CCSER1: variants seen among roughly 807,000 people sequenced by gnomAD.
CCSER1 encodes the protein serine-rich coiled-coil domain-containing protein 1.
A neutral mutation model predicts 82.0 loss-of-function variants in CCSER1; 41 were observed. The ratio of observed to expected loss-of-function variants is 0.50; its 90% CI spans 0.39 to 0.65. The LOEUF (loss-of-function observed/expected upper bound fraction) is 0.65. Among genes scored for constraint, CCSER1 ranks in the 30% least tolerant of loss-of-function variants. The pLI is 0.00. For missense variants in CCSER1, 1,119 were observed against 1,064.2 expected (o/e 1.05, Z -0.72); for synonymous variants, 414 against 383.9 (o/e 1.08, Z -0.92).
chr4:91,251,068 A>G (rs1307692658), intron 10 of CCSER1, among the ~76,000 whole-genome samples: 1 of 152,162 alleles, frequency 6.6e-6, no homozygotes, highest in African/African-American at 2.4e-5. Flanking sequence ...TCCTCACTAT[A>G]GAGAGGAAGA....
chr4:91,287,643 C>T (rs1470279847), intron 10 of CCSER1, among the ~76,000 whole-genome samples: 1 of 151,926 alleles, frequency 6.6e-6, no homozygotes, highest in Non-Finnish European at 1.5e-5. Context: ...AAAGAAAGTG[C>T]ATTGTGTCTA....
chr4:91,234,498 A>C (rs1266465987), intron 10 of CCSER1, among the ~76,000 whole-genome samples: 1 of 152,114 alleles, frequency 6.6e-6, no homozygotes, highest in African/African-American at 2.4e-5. Flanking sequence ...AAAGCCAGAA[A>C]TATTTATATT....
At chr4:91,161,881 A>G (rs921202986) in intron 10 of CCSER1, among the ~76,000 whole-genome samples, 2 of 152,120 alleles carry the variant, frequency 1.3e-5, no homozygotes, top group Non-Finnish European at 2.9e-5. Flanking sequence ...TCATCTGCAA[A>G]CAGTGACAAT....
chr4:91,133,374 G>A (rs572215092), intron 10 of CCSER1, among the ~76,000 whole-genome samples: 7 of 152,166 alleles, frequency 4.6e-5, no homozygotes. Flanking sequence ...TCATTCGGGT[G>A]AGGAAGCGGT....
chr4:90,504,716 G>A (rs1280171291), intron 5 of CCSER1, among the ~76,000 whole-genome samples: 1 of 152,132 alleles, frequency 6.6e-6, no homozygotes, highest in African/African-American at 2.4e-5. Flanking sequence ...TGGTAAAAAT[G>A]TGTAAATTTG....
At chr4:90,323,656 A>T (rs1047542238) in intron 3 of CCSER1, among the ~76,000 whole-genome samples, 18 of 151,182 alleles carry the variant, frequency 1.2e-4, no homozygotes, top group African/African-American at 4.4e-4. Context: ...TGTCTTTCCT[A>T]TCCTCTTTTT....
intron 8 of CCSER1, among the ~76,000 whole-genome samples, chr4:90,900,375 G>A (rs1177924871): frequency 6.6e-6 from 1 of 151,624 alleles, no homozygotes; most frequent in Non-Finnish European, 1.5e-5. Context: ...TGTAGCTAGT[G>A]GTCTATCAAT....
intron 10 of CCSER1, among the ~76,000 whole-genome samples, chr4:91,139,830 C>G (rs2148926729): frequency 6.6e-6 from 1 of 152,100 alleles, no homozygotes. Flanking sequence ...CTCTGAAAAC[C>G]TTTTGTATAG....
chr4:90,917,726 C>G (rs1367476611), intron 8 of CCSER1, among the ~76,000 whole-genome samples: 1 of 151,814 alleles, frequency 6.6e-6, no homozygotes, highest in Non-Finnish European at 1.5e-5. Context: ...AAAATAAACA[C>G]CTAAAAAAAA....
At chr4:91,515,803 A>G (rs542463930) in intron 10 of CCSER1, among the ~76,000 whole-genome samples, 1 of 150,386 alleles carries the variant, frequency 6.6e-6, no homozygotes, top group Admixed American at 6.6e-5. Context: ...GGTTGAACTA[A>G]TTTACTCTCC....
intron 1 of CCSER1, among the ~76,000 whole-genome samples, chr4:90,240,351 G>A (rs1280427587): frequency 2.0e-5 from 3 of 152,150 alleles, no homozygotes; most frequent in Non-Finnish European, 4.4e-5. Context: ...ATTTCTTTCT[G>A]GAGAAGGCCT....
chr4:90,769,327 A>G (rs1041622475), intron 7 of CCSER1, among the ~76,000 whole-genome samples: 8 of 152,158 alleles, frequency 5.3e-5, no homozygotes, highest in African/African-American at 1.9e-4. Context: ...AAAGTGGGGA[A>G]CAGAGACAGT....
At chr4:90,553,782 A>T (rs553809491) in intron 5 of CCSER1, among the ~76,000 whole-genome samples, 1 of 152,348 alleles carries the variant, frequency 6.6e-6, no homozygotes, top group East Asian at 1.9e-4. Context: ...GCAGAGTTGG[A>T]TTTGCAGACA....
At chr4:90,408,103 G>T (rs1371109080) in intron 4 of CCSER1, among the ~76,000 whole-genome samples, 1 of 152,218 alleles carries the variant, frequency 6.6e-6, no homozygotes, top group East Asian at 1.9e-4. Context: ...ACCCGCCATT[G>T]CCCAGGCTTG....
chr4:90,180,187 A>G (rs1470804019), intron 1 of CCSER1, among the ~76,000 whole-genome samples: 1 of 151,424 alleles, frequency 6.6e-6, no homozygotes, highest in African/African-American at 2.4e-5. Context: ...AACGATAACT[A>G]AAGATAATTT....
At chr4:90,488,205 G>A (rs567985854) in intron 5 of CCSER1, among the ~76,000 whole-genome samples, 11 of 151,658 alleles carry the variant, frequency 7.3e-5, no homozygotes, top group Middle Eastern at 3.4e-3. Context: ...ATTTTGAGAC[G>A]GAGTCTCGCT....
At position 90,599,332 on chromosome 4, in the gene CCSER1, A is replaced by G. The variant is rs531586013; in HGVS notation, c.1725-28693A>G. Among the ~76,000 whole-genome samples, 85 of 152,070 alleles carry G rather than the reference A, an allele frequency of 5.6e-4. 1 individual carries two copies. The South Asian group carries it at 1.0e-2, about 18-fold the overall frequency. On this transcript the variant is annotated intron_variant, in intron 5 of 10. Coordinates refer to ENST00000509176, the MANE Select transcript of CCSER1 (RefSeq NM_001145065.2). ...GTTCTCACGAGAGCTGATGGTTTTA[A>G]AAGTGTTTGGCAATCCCCTTTTCAT...
At chr4:90,816,056 T>A (rs1008731919) in intron 8 of CCSER1, among the ~76,000 whole-genome samples, 1 of 152,194 alleles carries the variant, frequency 6.6e-6, no homozygotes, top group African/African-American at 2.4e-5. Context: ...TATGTGGAAA[T>A]GTATATGGTT....
chr4:91,544,592 GC>G (rs1243932666), intron 10 of CCSER1, among the ~76,000 whole-genome samples: 6 of 152,176 alleles, frequency 3.9e-5, no homozygotes, highest in Admixed American at 6.5e-5. Context: ...GACCCTGTTT[GC>G]CTGGGCATCA....
Sources: gnomAD v4.1 joint callset for allele counts (sites outside exome capture counted in the v4.1 genomes callset) on GRCh38, gnomAD v4.1.1 for gene constraint, MANE v1.5 for transcripts, NCBI Gene and HGNC (gene_info 2026-07-23, HGNC 2026-07-21) for gene names.